The following MOB1A variants were observed in gnomAD, a reference collection of about 807,000 sequenced individuals.
The protein encoded by MOB1A is MOB1 Mps One Binder homolog A.
In MOB1A, 10 loss-of-function variants were observed where a neutral mutation model predicts 25.1. The observed-to-expected ratio is 0.40, with a 90% confidence interval of 0.25 to 0.68. The LOEUF is 0.68. Ranked by LOEUF, MOB1A falls within the 30% of genes least tolerant of loss-of-function variation. MOB1A has a pLI of 0.40. For synonymous variants in MOB1A, 81 were observed against 79.5 expected (o/e 1.02, Z -0.10); for missense variants, 177 against 256.3 (o/e 0.69, Z 2.11).
At chr2:74,160,453 G>A (rs181755995) in intron 4 of MOB1A, among the ~76,000 whole-genome samples, 1 of 152,204 alleles carries the variant, frequency 6.6e-6, no homozygotes, top group African/African-American at 2.4e-5. Context: ...GGGAGGCCGA[G>A]GGGGGCAGAT....
intron 4 of MOB1A, among the ~76,000 whole-genome samples, chr2:74,163,159 G>C (rs565337867): frequency 4.3e-4 from 66 of 152,076 alleles, no homozygotes; most frequent in Non-Finnish European, 5.1e-4. Flanking sequence ...TCGGCATTGC[G>C]CTTGAAATAC....
chr2:74,172,763 A>G lies in MOB1A; in HGVS notation c.15-11T>C. ...GAAGAGCGGCTGCTGCTGTAAGATT[A>G]AAAGTGCAAGTATATGAATTTTTAA... On this transcript the variant is annotated splice_polypyrimidine_tract_variant and intron_variant, in intron 1 of 5. Coordinates refer to ENST00000396049, the MANE Select transcript of MOB1A (RefSeq NM_018221.5). 1 of 1,609,456 alleles carries G rather than the reference A, an allele frequency of 6.2e-7. No individual in the cohort carries two copies. The highest frequency in any genetic ancestry group is 8.5e-7 in the Non-Finnish European group (1 of 1,177,466).
At position 74,157,808 on chromosome 2, in the gene MOB1A, C is replaced by G. The variant is rs141123178; in HGVS notation, c.574-1163G>C. 8.6e-4 allele frequency among the ~76,000 whole-genome samples: 131 copies of G among 152,074 alleles called. 3 individuals carry two copies. In the East Asian group the frequency reaches 0.023, roughly 27 times the overall value. On this transcript the variant is annotated intron_variant, in intron 5 of 5. Transcript: ENST00000396049. ...TACAATGGGAGACTTATTAAAGAAC[C>G]AACTCTAGGTATCAGTATGATCCTC... is the stretch of plus-strand genomic sequence containing the variant.
chr2:74,167,846 A>G (rs1037583269), intron 2 of MOB1A, among the ~76,000 whole-genome samples: 1 of 152,202 alleles, frequency 6.6e-6, no homozygotes, highest in East Asian at 1.9e-4. Flanking sequence ...GATGAATAAT[A>G]TAAGATATGG....
chr2:74,165,325 G>C lies in MOB1A; in HGVS notation c.302C>G (p.Thr101Ser). 1 of 1,576,096 alleles carries C rather than the reference G, an allele frequency of 6.3e-7. No homozygotes were observed. The highest frequency in any genetic ancestry group is 1.8e-5 in the Admixed American group (1 of 55,778). Residue 101 changes from threonine (T) to serine (S), a missense_variant, in exon 4 of 6, where the codon ACT becomes AGT. Thr to Ser is a moderately conservative substitution (Grantham distance 58). Transcript: ENST00000396049. The stretch of plus-strand genomic sequence containing the variant: ...ACATTTGATTGGCTTTTTAATATTA[G>C]TACCATCTGCCCAGTGATATTCATA... ...PRYEYHWADG[T>S]NIKKPIKCSA...
In MOB1A at chr2:74,172,659, T is replaced by C. The variant is rs758340037; in HGVS notation, c.108A>G (p.Leu36=). ...YELLKHAEAT[L]GSGNLRQAVM... is the part of the protein sequence containing the mutation. Reference sequence around the variant, plus strand: ...CAGCTTGTCTCAGATTCCCACTTCCTAGAGTTGCTTCTGCATGTTTTAAGA... The same window carrying C: ...CAGCTTGTCTCAGATTCCCACTTCCCAGAGTTGCTTCTGCATGTTTTAAGA... The change falls in exon 2 of 6, where the codon CTA becomes CTG. Residue 36 remains leucine (L), a synonymous_variant. Coordinates refer to ENST00000396049, the MANE Select transcript of MOB1A (RefSeq NM_018221.5). 2 of 1,613,894 alleles carry C rather than the reference T, an allele frequency of 1.2e-6. No homozygotes were observed. The highest frequency in any genetic ancestry group is 3.3e-5 in the Admixed American group (2 of 60,020).
At chr2:74,175,760 G>C (rs765424523) in intron 1 of MOB1A, among the ~76,000 whole-genome samples, 1 of 152,096 alleles carries the variant, frequency 6.6e-6, no homozygotes, top group African/African-American at 2.4e-5. Flanking sequence ...CGTATTCACA[G>C]GGAAAGATCT....
rs150214656 is a variant in MOB1A at position 74,159,003 on chromosome 2, A to G, written c.573+88T>C. 387 of 1,331,902 alleles carry G rather than the reference A, an allele frequency of 2.9e-4. 6 individuals carry two copies. In the East Asian group the frequency reaches 4.4e-3, roughly 15 times the overall value. The allele number at this position is 1,331,902 out of a possible 1,614,324, so 82.5% of individuals were successfully genotyped here. On this transcript the variant is annotated intron_variant, in intron 5 of 5. Transcript: ENST00000396049. The stretch of plus-strand genomic sequence containing the variant: ...CTTGCCTGTAATTGGCTCTACATCT[A>G]TAACTAAGACACACAGCTCTTTGTT...
intron 4 of MOB1A, 52 bp downstream of exon 4, chr2:74,165,166 A>C: frequency 7.3e-7 from 1 of 1,363,486 alleles, no homozygotes; most frequent in Non-Finnish European, 9.8e-7. Context: ...TATTTATATT[A>C]ATAAAATAAA....
At chr2:74,171,004 G>T (rs765924985) in intron 2 of MOB1A, among the ~76,000 whole-genome samples, 1 of 152,178 alleles carries the variant, frequency 6.6e-6, no homozygotes, top group Non-Finnish European at 1.5e-5. Flanking sequence ...ATTTGGCCAG[G>T]TGCGGTGGCT....
chr2:74,176,479 G>A (rs1240960037), intron 1 of MOB1A, among the ~76,000 whole-genome samples: 1 of 150,748 alleles, frequency 6.6e-6, no homozygotes, highest in Non-Finnish European at 1.5e-5. Context: ...TTAAAAACAG[G>A]CAAGGCCGGG....
chr2:74,172,490 T>C (rs1278945424), intron 2 of MOB1A, 96 bp downstream of exon 2: 2 of 1,168,446 alleles, frequency 1.7e-6, no homozygotes, highest in South Asian at 1.5e-5. Context: ...TAATTTGTTA[T>C]ATTAAAACAG....
chr2:74,160,845 G>A (rs2103698651), intron 4 of MOB1A, among the ~76,000 whole-genome samples: 1 of 152,068 alleles, frequency 6.6e-6, no homozygotes, highest in Middle Eastern at 3.4e-3. Context: ...GGGACAGACA[G>A]GTCAGGAGTT....
chr2:74,178,687 G>C lies in MOB1A; in HGVS notation c.-13C>G. ...AGAGGAAGCTCATCTTCGGTCCTCA[G>C]AGGGGAGGCGAGGGGCCCCTGGCCC... On this transcript the variant is annotated 5_prime_UTR_variant, in exon 1 of 6. Coordinates refer to ENST00000396049, the MANE Select transcript of MOB1A (RefSeq NM_018221.5). The C allele has an allele frequency of 4.6e-6, 6 of 1,318,368 alleles. No individual in the cohort carries two copies. Among genetic ancestry groups the C allele is most frequent in the Non-Finnish European group, 5.8e-6 (6 of 1,026,084 alleles). The allele number at this position is 1,318,368 out of a possible 1,614,324, so 81.7% of individuals were successfully genotyped here. A position where few individuals can be genotyped will look rare whatever the true frequency, so the allele number is the denominator to read the frequency against.
At chr2:74,172,995 G>A (rs961237994) in intron 1 of MOB1A, among the ~76,000 whole-genome samples, 6 of 152,116 alleles carry the variant, frequency 3.9e-5, no homozygotes, top group Non-Finnish European at 7.3e-5. Flanking sequence ...AATTAGCCAA[G>A]CATGATGGCG....
chr2:74,171,265 G>A (rs927405098), intron 2 of MOB1A, among the ~76,000 whole-genome samples: 2 of 151,640 alleles, frequency 1.3e-5, no homozygotes, highest in Non-Finnish European at 2.9e-5. Flanking sequence ...TCCAGCTTGG[G>A]TGACAGAGCA....
chr2:74,166,708 G>C (rs756280197), intron 3 of MOB1A, among the ~76,000 whole-genome samples: 2 of 152,236 alleles, frequency 1.3e-5, no homozygotes, highest in East Asian at 3.9e-4. Flanking sequence ...TGGTGGCACA[G>C]GCCTGTAATC....
At chr2:74,162,623 A>G (rs1380858601) in intron 4 of MOB1A, among the ~76,000 whole-genome samples, 2 of 152,236 alleles carry the variant, frequency 1.3e-5, no homozygotes, top group African/African-American at 4.8e-5. Context: ...ATTCAAGCAC[A>G]GTCAATATAA....
intron 1 of MOB1A, 39 bp downstream of exon 1, chr2:74,178,621 CG>C (rs749715248): frequency 6.5e-6 from 9 of 1,376,140 alleles, no homozygotes; most frequent in Non-Finnish European, 9.5e-7. Context: ...CCCACAACCT[CG>C]GCCCGCAGGC....
Sources: allele counts gnomAD v4.1 joint callset (sites outside exome capture counted in the v4.1 genomes callset), GRCh38; gene constraint gnomAD v4.1.1; transcripts MANE v1.5; gene names NCBI Gene and HGNC (gene_info 2026-07-23, HGNC 2026-07-21).